The following TMEM132B variants were observed in gnomAD, a reference collection of about 807,000 sequenced individuals.
The protein encoded by TMEM132B is transmembrane protein 132B.
In TMEM132B, 18 loss-of-function variants were observed where a neutral mutation model predicts 90.8. The observed-to-expected ratio is 0.20, with a 90% CI of 0.14 to 0.29. TMEM132B has a LOEUF of 0.29. TMEM132B is among the 10% of genes least tolerant of loss of function. TMEM132B has a pLI of 1.00. For synonymous variants in TMEM132B, 504 were observed against 523.3 expected, an observed-to-expected ratio of 0.96 and a Z score of 0.50; for missense variants, 1,096 against 1,326.8, an observed-to-expected ratio of 0.83 and a Z score of 2.70.
At chr12:125,443,202 C>T (rs1293879239) in intron 3 of TMEM132B, among the ~76,000 whole-genome samples, 1 of 152,144 alleles carries the variant, frequency 6.6e-6, no homozygotes, top group African/African-American at 2.4e-5. Flanking sequence ...CTGTTGGCTA[C>T]GGTTTTACTT....
intron 3 of TMEM132B, among the ~76,000 whole-genome samples, chr12:125,464,565 A>G (rs1291308052): frequency 6.6e-6 from 1 of 152,200 alleles, no homozygotes; most frequent in Non-Finnish European, 1.5e-5. Context: ...TACACACAGC[A>G]TCTACTGCAG....
At position 125,303,097 on chromosome 12, in the gene TMEM132B, T is replaced by TA. The variant is rs1230009411; in HGVS notation, c.68-46345dup. 2.4e-3 allele frequency among the ~76,000 whole-genome samples: 358 copies of TA among 147,864 alleles called. 1 individual carries two copies. Among genetic ancestry groups the TA allele is most frequent in the Middle Eastern group, 0.014 (4 of 288 alleles). ...GGGGACAGAGCGAGACTCTGCATATTAAAAAAAAAACAGAAGGGAATTCTG... is the reference window on the plus strand; with the variant it reads ...GGGGACAGAGCGAGACTCTGCATATTAAAAAAAAAAACAGAAGGGAATTCTG... On this transcript the variant is annotated intron_variant, in intron 1 of 8. Coordinates refer to ENST00000682704, the MANE Select transcript of TMEM132B (RefSeq NM_001366854.1).
Position 125,348,543 on chromosome 12 carries a change from C to T in TMEM132B, c.68-909C>T, listed in dbSNP as rs140973533. Among the ~76,000 whole-genome samples the T allele has an allele frequency of 2.0e-5, 3 of 148,194 alleles. No individual in the cohort carries two copies. The East Asian group carries it at 5.9e-4, about 29-fold the overall frequency. On this transcript the variant is annotated intron_variant, in intron 1 of 8. Coordinates refer to ENST00000682704, the MANE Select transcript of TMEM132B (RefSeq NM_001366854.1). ...AGAGACAGGGTCTCACTGTTTTGCT[C>T]AGGCTGGTTTTGAACTCTTGGGGTC...
chr12:125,330,360 G>A (rs545545588), intron 1 of TMEM132B, among the ~76,000 whole-genome samples: 1 of 140,614 alleles, frequency 7.1e-6, no homozygotes, highest in East Asian at 2.1e-4. Context: ...TTGCAGCCAT[G>A]AAGATGATTT....
intron 3 of TMEM132B, among the ~76,000 whole-genome samples, chr12:125,482,472 G>T (rs1882072960): frequency 6.6e-6 from 1 of 152,188 alleles, no homozygotes; most frequent in Non-Finnish European, 1.5e-5. Flanking sequence ...TTGAAAAGAA[G>T]ACATTTATGT....
intron 3 of TMEM132B, among the ~76,000 whole-genome samples, chr12:125,466,362 C>T (rs531651139): frequency 1.3e-5 from 2 of 152,288 alleles, no homozygotes; most frequent in South Asian, 2.1e-4. Flanking sequence ...TGGTGGAAAT[C>T]GCTCTGTTCC....
intron 1 of TMEM132B, among the ~76,000 whole-genome samples, chr12:125,313,835 T>C (rs892699555): frequency 6.6e-6 from 1 of 150,482 alleles, no homozygotes; most frequent in Non-Finnish European, 1.5e-5. Flanking sequence ...CTTGAAATTC[T>C]TAATACTTTT....
intron 6 of TMEM132B, among the ~76,000 whole-genome samples, chr12:125,644,811 T>C (rs1266503221): frequency 2.0e-5 from 3 of 152,164 alleles, no homozygotes; most frequent in South Asian, 2.1e-4. Context: ...AACTTGTACC[T>C]GTGTGACATT....
intron 3 of TMEM132B, among the ~76,000 whole-genome samples, chr12:125,463,814 A>G (rs1246534601): frequency 6.6e-6 from 1 of 152,208 alleles, no homozygotes; most frequent in Non-Finnish European, 1.5e-5. Context: ...GAGACTGGGT[A>G]ATTTATAAAC....
chr12:125,494,749 C>G (rs1267192437), intron 3 of TMEM132B, among the ~76,000 whole-genome samples: 1 of 135,088 alleles, frequency 7.4e-6, no homozygotes, highest in Non-Finnish European at 1.6e-5. Flanking sequence ...GTCCCCTCCT[C>G]TCCCTCCTCC....
At chr12:125,612,019 T>A (rs571036146) in intron 5 of TMEM132B, among the ~76,000 whole-genome samples, 26 of 152,296 alleles carry the variant, frequency 1.7e-4, no homozygotes, top group African/African-American at 6.3e-4. Flanking sequence ...CTCCCACTAG[T>A]ATTGTTGAAT....
At chr12:125,348,568 C>T (rs559023234) in intron 1 of TMEM132B, among the ~76,000 whole-genome samples, 1 of 150,208 alleles carries the variant, frequency 6.7e-6, no homozygotes, top group Admixed American at 6.6e-5. Flanking sequence ...CTCTTGGGGT[C>T]AAGTGACCCA....
intron 3 of TMEM132B, among the ~76,000 whole-genome samples, chr12:125,488,844 T>C (rs1362670733): frequency 6.6e-6 from 1 of 152,212 alleles, no homozygotes; most frequent in Non-Finnish European, 1.5e-5. Context: ...GACTGTGGTT[T>C]TCAGCCACTG....
intron 3 of TMEM132B, among the ~76,000 whole-genome samples, chr12:125,476,361 A>G (rs547608895): frequency 3.1e-4 from 47 of 152,166 alleles, no homozygotes; most frequent in Admixed American, 1.5e-3. Flanking sequence ...GGATTTGCTG[A>G]TTTTAGATAT....
At chr12:125,262,582 T>C (rs1393998961) in intron 1 of TMEM132B, among the ~76,000 whole-genome samples, 3 of 152,326 alleles carry the variant, frequency 2.0e-5, no homozygotes, top group East Asian at 3.9e-4. Context: ...CCACCCCCTC[T>C]TGTCTACCCT....
chr12:125,408,837 A>G lies in TMEM132B; in HGVS notation c.960-6694A>G, dbSNP rs1879596214. 6.6e-6 allele frequency among the ~76,000 whole-genome samples: 1 copy of G among 152,128 alleles called. No homozygotes were observed. Among genetic ancestry groups the G allele is most frequent in the Admixed American group, 6.5e-5 (1 of 15,274 alleles). On this transcript the variant is annotated intron_variant, in intron 2 of 8. Transcript: ENST00000682704. This position sits in a 1 kb window ranked among gnomAD's most constrained non-coding sequence, Gnocchi z 5.9. The stretch of plus-strand genomic sequence containing the variant: ...GAACCAAATTACACTCATTCCAGCA[A>G]TGTTCACGAGTCCCAGTCACTCCAT...
At chr12:125,335,040 T>G (rs1876914398) in intron 1 of TMEM132B, among the ~76,000 whole-genome samples, 1 of 152,204 alleles carries the variant, frequency 6.6e-6, no homozygotes, top group African/African-American at 2.4e-5. Context: ...GTAAACAGAT[T>G]AGCCGTTCAG....
chr12:125,406,822 G>A lies in TMEM132B; in HGVS notation c.960-8709G>A, dbSNP rs1334239759. On this transcript the variant is annotated intron_variant, in intron 2 of 8. Transcript: ENST00000682704. This position sits in a 1 kb window ranked among gnomAD's most constrained non-coding sequence, Gnocchi z 8.3. Reference sequence around the variant, plus strand: ...CAGTAATTTTCTAGAAGGACTCAAAGAACTCAGAAACGCTGTTGTACTTAT... The same window carrying A: ...CAGTAATTTTCTAGAAGGACTCAAAAAACTCAGAAACGCTGTTGTACTTAT... Among the ~76,000 whole-genome samples, 1 of 152,270 alleles carries A rather than the reference G, an allele frequency of 6.6e-6. No homozygotes were observed. Among genetic ancestry groups the A allele is most frequent in the South Asian group, 2.1e-4 (1 of 4,816 alleles).
chr12:125,335,804 T>C (rs926439708), intron 1 of TMEM132B, among the ~76,000 whole-genome samples: 5 of 152,084 alleles, frequency 3.3e-5, no homozygotes, highest in Non-Finnish European at 7.4e-5. Flanking sequence ...CTGGCTAACA[T>C]GGCAAAACCC....
Sources: allele counts gnomAD v4.1 joint callset (sites outside exome capture counted in the v4.1 genomes callset), GRCh38; gene constraint gnomAD v4.1.1; non-coding constraint Gnocchi (gnomAD v3.1); transcripts MANE v1.5; gene names NCBI Gene and HGNC (gene_info 2026-07-23, HGNC 2026-07-21).